Variants in SETD4 observed in about 807,000 individuals in gnomAD.
SETD4 encodes the protein SET domain containing 4, also known as SET domain-containing protein 4.
A neutral mutation model predicts 58.3 loss-of-function variants in SETD4; 46 were observed. That is an observed-to-expected ratio of 0.79 (90% CI 0.62 to 1.01). The LOEUF (loss-of-function observed/expected upper bound fraction) is 1.01, where lower values mean the gene tolerates loss of function less well. SETD4 is among the 50% of genes least tolerant of loss of function. The probability of loss-of-function intolerance (pLI) is 0.00; values close to 1 mark genes in which losing one functional copy is unlikely to be tolerated. For missense variants in SETD4, 490 were observed against 523.3 expected (o/e 0.94, Z 0.62); for synonymous variants, 190 against 202.6 (o/e 0.94, Z 0.53).
chr21:36,035,815 A>G lies in SETD4; in HGVS notation c.*178T>C. On this transcript the variant is annotated 3_prime_UTR_variant, in exon 12 of 12. Transcript: ENST00000332131. ...TCAGCACTTTATTCGGAAGAGCATT[A>G]GACCTGCCATCCAGACAGCTTGTCC... is the stretch of plus-strand genomic sequence containing the variant. 7.5e-6 allele frequency: 3 copies of G among 400,476 alleles called. No individual in the cohort carries two copies. The highest frequency in any genetic ancestry group is 1.4e-5 in the Non-Finnish European group (3 of 218,908). 24.8% of individuals were successfully genotyped at this position (400,476 alleles called of 1,614,324 possible). A position where few individuals can be genotyped will look rare whatever the true frequency, so the allele number is the denominator to read the frequency against.
chr21:36,050,502 G>C, intron 4 of SETD4: 1 of 1,612,838 alleles, frequency 6.2e-7, no homozygotes, highest in Non-Finnish European at 8.5e-7. Flanking sequence ...GCGCCATCTA[G>C]AGAAGATGGG....
intron 7 of SETD4, chr21:36,043,448 C>CT: frequency 9.4e-7 from 1 of 1,063,532 alleles, no homozygotes; most frequent in Non-Finnish European, 1.1e-6. Context: ...CTCTCTAATC[C>CT]TATTTTCTTT....
chr21:36,039,589 T>C (rs1240079216), intron 9 of SETD4, among the ~76,000 whole-genome samples: 1 of 152,172 alleles, frequency 6.6e-6, no homozygotes, highest in East Asian at 1.9e-4. Context: ...ACTGCAGGAA[T>C]GGGCCAGTGC....
chr21:36,043,659 A>G, intron 7 of SETD4, 123 bp downstream of exon 7: 1 of 1,476,282 alleles, frequency 6.8e-7, no homozygotes, highest in Non-Finnish European at 9.0e-7. Context: ...TACCTAGAAG[A>G]AAATTAGTGA....
chr21:36,047,747 T>C (rs1235217356), intron 5 of SETD4, among the ~76,000 whole-genome samples: 1 of 149,998 alleles, frequency 6.7e-6, no homozygotes, highest in East Asian at 1.9e-4. Flanking sequence ...TCCCAGCACT[T>C]TGGGAGGCTG....
chr21:36,056,727 T>C (rs2065004458), intron 3 of SETD4, among the ~76,000 whole-genome samples: 1 of 152,052 alleles, frequency 6.6e-6, no homozygotes, highest in Non-Finnish European at 1.5e-5. Context: ...CTGGCTAACT[T>C]TTGTACTTTT....
At chr21:36,051,635 C>A (rs917693601) in intron 4 of SETD4, among the ~76,000 whole-genome samples, 8 of 152,096 alleles carry the variant, frequency 5.3e-5, no homozygotes, top group Non-Finnish European at 1.0e-4. Context: ...TTTTAAATTG[C>A]TAAAAAATTT....
At chr21:36,040,457 C>G in intron 9 of SETD4, 118 bp downstream of exon 9, 1 of 770,180 alleles carries the variant, frequency 1.3e-6, no homozygotes, top group South Asian at 1.5e-5. Context: ...CAATGTATGA[C>G]ATCCCTTTTT....
At chr21:36,041,159 CAAAAAAAAAAAAAAAAAA>C (rs35920101) in intron 8 of SETD4, among the ~76,000 whole-genome samples, 3 of 39,994 alleles carry the variant, frequency 7.5e-5, no homozygotes, top group African/African-American at 3.2e-4. Flanking sequence ...GACTCCTTCT[CAAAAAAAAAAAAAAAAAA>C]AAAAAAAAAA....
At chr21:36,055,502 G>A (rs2064944694) in intron 3 of SETD4, among the ~76,000 whole-genome samples, 1 of 152,176 alleles carries the variant, frequency 6.6e-6, no homozygotes, top group South Asian at 2.1e-4. Context: ...TCCCAAGGCA[G>A]AAAAGAAGAG....
At chr21:36,059,003 TTTCCAG>T in intron 1 of SETD4, 79 bp from the exon 2 acceptor site, 1 of 1,404,230 alleles carries the variant, frequency 7.1e-7, no homozygotes, top group East Asian at 2.4e-5. Context: ...TTTGATTTAC[TTTCCAG>T]TTATATGATA....
At chr21:36,050,972 G>A (rs2064650251) in intron 4 of SETD4, 3 of 1,606,700 alleles carry the variant, frequency 1.9e-6, no homozygotes, top group Admixed American at 1.7e-5. Flanking sequence ...CTATCCAGGT[G>A]TCTAATATCC....
Position 36,058,819 on chromosome 21 carries a change from CTCT to C in SETD4, c.67_69del (p.Arg23del). ...GGTACTAAAAGAAAAACCATACCTC[CTCT>C]TGATTCAGAACTTCCGCAGAGTTTT... On this transcript the variant is annotated inframe_deletion, in exon 2 of 12. Coordinates refer to ENST00000332131, the MANE Select transcript of SETD4 (RefSeq NM_017438.5). 6.3e-7 allele frequency: 1 copy of C among 1,597,924 alleles called. No homozygotes were observed. Among genetic ancestry groups the C allele is most frequent in the African/African-American group, 1.3e-5 (1 of 74,214 alleles).
At chr21:36,050,353 T>C in intron 4 of SETD4, 2 of 1,613,650 alleles carry the variant, frequency 1.2e-6, no homozygotes, top group South Asian at 2.2e-5. Flanking sequence ...GCTGTGGTGA[T>C]GGATGAGGTG....
Position 36,042,043 on chromosome 21 carries a change from C to A in SETD4, c.902-155G>T. 9 of 513,744 alleles carry A rather than the reference C, an allele frequency of 1.8e-5. No homozygotes were observed. In the South Asian group the frequency reaches 2.0e-4, roughly 11 times the overall value. 31.8% of individuals were successfully genotyped at this position (513,744 alleles called of 1,614,324 possible). On this transcript the variant is annotated intron_variant, in intron 7 of 11. Coordinates refer to ENST00000332131, the MANE Select transcript of SETD4 (RefSeq NM_017438.5). The stretch of plus-strand genomic sequence containing the variant: ...CACAAAGGAAATCTACTCTTCAAGT[C>A]CAATTCAGTCACATCAGTACTGAGT...
intron 1 of SETD4, chr21:36,059,890 A>C: frequency 3.0e-6 from 3 of 985,476 alleles, no homozygotes; most frequent in Non-Finnish European, 3.6e-6. Context: ...CCCAGCGCTC[A>C]GTCCACAGAC....
rs2123735294 is a variant in SETD4 at position 36,053,485 on chromosome 21, CTGTA to C, written c.207+94_207+97del. On this transcript the variant is annotated intron_variant, in intron 4 of 11. Transcript: ENST00000332131. The stretch of plus-strand genomic sequence containing the variant: ...TATCTATTAGGTAAGTAAGAAATGA[CTGTA>C]TGTCTGAAATTTTTTTAATTCACTT... The C allele has an allele frequency of 5.2e-6, 6 of 1,147,064 alleles. No homozygotes were observed. In the East Asian group the frequency reaches 1.4e-4, roughly 27 times the overall value. The allele number at this position is 1,147,064 out of a possible 1,614,324, so 71.1% of individuals were successfully genotyped here.
intron 1 of SETD4, chr21:36,059,875 C>T: frequency 3.0e-6 from 3 of 985,500 alleles, no homozygotes; most frequent in Non-Finnish European, 3.6e-6. Context: ...TGGTTCGGTG[C>T]GGGTCCCAGC....
At chr21:36,038,306 G>A (rs1279258508) in intron 9 of SETD4, 33 bp from the exon 10 acceptor site, 16 of 1,599,680 alleles carry the variant, frequency 1.0e-5, no homozygotes, top group Non-Finnish European at 1.2e-5. Flanking sequence ...CACAATTTTA[G>A]CAGGCTCTCA....
Sources: gnomAD v4.1 joint callset for allele counts (sites outside exome capture counted in the v4.1 genomes callset) on GRCh38, gnomAD v4.1.1 for gene constraint, MANE v1.5 for transcripts, NCBI Gene and HGNC (gene_info 2026-07-23, HGNC 2026-07-21) for gene names.